The following NDST3 variants were observed in gnomAD, a reference collection of about 807,000 sequenced individuals.
NDST3 encodes the protein bifunctional heparan sulfate N-deacetylase/N-sulfotransferase 3.
In NDST3, 58 loss-of-function variants were observed where a neutral mutation model predicts 96.1. The ratio of observed to expected loss-of-function variants is 0.60; its 90% CI spans 0.49 to 0.75. The LOEUF (loss-of-function observed/expected upper bound fraction) is 0.75, where lower values mean the gene tolerates loss of function less well. Among genes scored for constraint, NDST3 ranks in the 30% least tolerant of loss-of-function variants. The pLI, the probability that NDST3 is intolerant of heterozygous loss-of-function variation, is 0.00. For synonymous variants in NDST3, 333 were observed against 359.7 expected (o/e 0.93, Z 0.84); for missense variants, 788 against 1,034.2 (o/e 0.76, Z 3.27).
chr4:118,201,216 T>C (rs1738064274), intron 6 of NDST3, among the ~76,000 whole-genome samples: 1 of 152,250 alleles, frequency 6.6e-6, no homozygotes, highest in Non-Finnish European at 1.5e-5. Context: ...CCCATGTCTT[T>C]GCTAGTGTGA....
At chr4:118,181,585 T>C (rs1304130319) in intron 6 of NDST3, among the ~76,000 whole-genome samples, 2 of 152,102 alleles carry the variant, frequency 1.3e-5, no homozygotes, top group East Asian at 3.9e-4. Flanking sequence ...TTAAATAAAT[T>C]ATACCCTGAA....
intron 2 of NDST3, among the ~76,000 whole-genome samples, chr4:118,084,505 T>A (rs990671832): frequency 2.2e-4 from 34 of 152,202 alleles, no homozygotes; most frequent in African/African-American, 8.0e-4. Flanking sequence ...CCTAGTTTAG[T>A]GTTTCTGAAA....
At position 118,143,459 on chromosome 4, in the gene NDST3, T is replaced by C. The variant is rs900404339; in HGVS notation, c.1411-97T>C. ...CCCTGGTTAGACCTGAATAATTCAC[T>C]AGCTTGTGCATCATCTTGTGTGAGC... On this transcript the variant is annotated intron_variant, in intron 5 of 13. Transcript: ENST00000296499. 1.1e-5 allele frequency: 14 copies of C among 1,288,212 alleles called. No homozygotes were observed. The South Asian group carries it at 1.9e-4, about 18-fold the overall frequency. 79.8% of individuals were successfully genotyped at this position (1,288,212 alleles called of 1,614,324 possible). A position where few individuals can be genotyped will look rare whatever the true frequency, so the allele number is the denominator to read the frequency against.
chr4:118,090,513 ACTTT>A (rs1254184843), intron 2 of NDST3, among the ~76,000 whole-genome samples: 1 of 151,884 alleles, frequency 6.6e-6, no homozygotes, highest in Non-Finnish European at 1.5e-5. Flanking sequence ...GAATTAATGA[ACTTT>A]CTTTCTATTT....
intron 6 of NDST3, among the ~76,000 whole-genome samples, chr4:118,192,852 G>A (rs766895870): frequency 6.6e-6 from 1 of 152,146 alleles, no homozygotes; most frequent in Non-Finnish European, 1.5e-5. Flanking sequence ...AACTGACAGG[G>A]GAAATACCAG....
At chr4:118,225,942 A>G (rs1489678563) in intron 7 of NDST3, among the ~76,000 whole-genome samples, 1 of 151,918 alleles carries the variant, frequency 6.6e-6, no homozygotes, top group Non-Finnish European at 1.5e-5. Context: ...ATTCAACCTT[A>G]CTTTTAAACT....
At chr4:118,090,440 G>A (rs950525883) in intron 2 of NDST3, among the ~76,000 whole-genome samples, 1 of 151,818 alleles carries the variant, frequency 6.6e-6, no homozygotes, top group Non-Finnish European at 1.5e-5. Context: ...AGTCAGCAAT[G>A]GGAGTTTTTT....
At chr4:118,098,988 TA>T (rs1729563257) in intron 2 of NDST3, among the ~76,000 whole-genome samples, 1 of 152,088 alleles carries the variant, frequency 6.6e-6, no homozygotes, top group South Asian at 2.1e-4. Context: ...AAGGACCTTT[TA>T]AAGTTGGCAG....
chr4:118,220,106 G>GTA (rs1344529560), intron 6 of NDST3, among the ~76,000 whole-genome samples: 1 of 151,836 alleles, frequency 6.6e-6, no homozygotes, highest in African/African-American at 2.4e-5. Flanking sequence ...GGATTGCTGG[G>GTA]TATATACCCA....
At chr4:118,093,265 T>C (rs1421163827) in intron 2 of NDST3, among the ~76,000 whole-genome samples, 3 of 151,888 alleles carry the variant, frequency 2.0e-5, no homozygotes, top group African/African-American at 7.2e-5. Context: ...AAAAAAGGCT[T>C]TTCCCAGATA....
intron 6 of NDST3, among the ~76,000 whole-genome samples, chr4:118,222,398 T>C (rs1463563277): frequency 4.6e-5 from 7 of 151,406 alleles, no homozygotes; most frequent in African/African-American, 1.7e-4. Context: ...TTGTGATTCA[T>C]GAAAAAAAAA....
At chr4:118,196,670 T>C (rs1215942263) in intron 6 of NDST3, among the ~76,000 whole-genome samples, 2 of 152,156 alleles carry the variant, frequency 1.3e-5, no homozygotes, top group Non-Finnish European at 2.9e-5. Context: ...ATCATATGAA[T>C]TTCTGCATTA....
chr4:118,178,316 C>A (rs1736396149), intron 6 of NDST3, among the ~76,000 whole-genome samples: 1 of 151,938 alleles, frequency 6.6e-6, no homozygotes, highest in South Asian at 2.1e-4. Flanking sequence ...TCTCTATATC[C>A]ATCAAACAGC....
chr4:118,129,183 G>A (rs796792102), intron 4 of NDST3, among the ~76,000 whole-genome samples: 13 of 151,168 alleles, frequency 8.6e-5, no homozygotes, highest in South Asian at 2.1e-4. Flanking sequence ...TTTCAATTTC[G>A]TTTACTTCTG....
At chr4:118,184,831 A>G (rs1056137501) in intron 6 of NDST3, among the ~76,000 whole-genome samples, 1 of 152,160 alleles carries the variant, frequency 6.6e-6, no homozygotes, top group Non-Finnish European at 1.5e-5. Flanking sequence ...GCATTTTCAC[A>G]TGTGCCCTCT....
chr4:118,149,645 G>A (rs1327958546), intron 6 of NDST3, among the ~76,000 whole-genome samples: 5 of 151,116 alleles, frequency 3.3e-5, no homozygotes, highest in African/African-American at 1.2e-4. Flanking sequence ...TCAACTTAAG[G>A]AGATTTTGGG....
At chr4:118,174,728 A>T (rs1333920022) in intron 6 of NDST3, among the ~76,000 whole-genome samples, 1 of 151,998 alleles carries the variant, frequency 6.6e-6, no homozygotes, top group African/African-American at 2.4e-5. Context: ...TTTCATTTTA[A>T]TTTTTTACTT....
intron 4 of NDST3, among the ~76,000 whole-genome samples, chr4:118,121,472 A>G (rs547790119): frequency 6.6e-6 from 1 of 152,334 alleles, no homozygotes; most frequent in East Asian, 1.9e-4. Context: ...GCAGAATCAC[A>G]GAACATTAGA....
Position 118,037,885 on chromosome 4 carries a change from C to G in NDST3, c.-156+3293C>G, listed in dbSNP as rs147410019. ...GTCCATAGAATAGAGAGTAATAGAA[C>G]CTTCAACCTCCTCAAGACTCCCTAT... On this transcript the variant is annotated intron_variant, in intron 1 of 13. Transcript: ENST00000296499. 1.7e-4 allele frequency among the ~76,000 whole-genome samples: 26 copies of G among 152,268 alleles called. No individual in the cohort carries two copies. In the East Asian group the frequency reaches 5.0e-3, roughly 29 times the overall value.
Sources: allele counts gnomAD v4.1 joint callset (sites outside exome capture counted in the v4.1 genomes callset), GRCh38; gene constraint gnomAD v4.1.1; transcripts MANE v1.5; gene names NCBI Gene and HGNC (gene_info 2026-07-23, HGNC 2026-07-21).